PRDM6: variants seen among roughly 807,000 people sequenced by gnomAD.
PRDM6 encodes the protein PR/SET domain 6, also known as putative histone-lysine N-methyltransferase PRDM6.
In PRDM6, 25 loss-of-function variants were observed where a neutral mutation model predicts 60.8. The ratio of observed to expected loss-of-function variants is 0.41; its 90% CI spans 0.30 to 0.57. The LOEUF is 0.57. Among genes scored for constraint, PRDM6 ranks in the 20% least tolerant of loss-of-function variants. The pLI, the probability that PRDM6 is intolerant of heterozygous loss-of-function variation, is 0.27. For synonymous variants in PRDM6, 407 were observed against 357.4 expected (o/e 1.14, Z -1.57); for missense variants, 839 against 821.3 (o/e 1.02, Z -0.26).
At chr5:123,157,306 C>CAGCTGCAT (rs1396631785) in intron 4 of PRDM6, among the ~76,000 whole-genome samples, 3 of 152,154 alleles carry the variant, frequency 2.0e-5, no homozygotes, top group Non-Finnish European at 4.4e-5. Flanking sequence ...ACCTTTATTA[C>CAGCTGCAT]AGCTGCATTT....
intron 7 of PRDM6, among the ~76,000 whole-genome samples, chr5:123,185,094 G>A (rs1203738583): frequency 6.6e-6 from 1 of 152,120 alleles, no homozygotes. Context: ...TGAGAAAAAT[G>A]TGTTTTTCTC....
rs2150203267 is a variant in PRDM6 at position 123,090,296 on chromosome 5, C to CTCCGCCTCA, written c.285_286insGCCTCATCC (p.Ala93_Ser95dup). The CTCCGCCTCA allele has an allele frequency of 6.7e-7, 1 of 1,488,868 alleles. No individual in the cohort carries two copies. The highest frequency in any genetic ancestry group is 8.9e-7 in the Non-Finnish European group (1 of 1,121,208). 92.2% of individuals were successfully genotyped at this position (1,488,868 alleles called of 1,614,324 possible). ...CTTCCACCTCCGCCTCCTCCGCCTCCTCCTGCGCTGCTGCGGCCGCTGCCG... is the reference window on the plus strand; with the variant it reads ...CTTCCACCTCCGCCTCCTCCGCCTCCTCCGCCTCATCCTGCGCTGCTGCGGCCGCTGCCG... On this transcript the variant is annotated inframe_insertion, in exon 2 of 8. Coordinates refer to ENST00000407847, the MANE Select transcript of PRDM6 (RefSeq NM_001136239.4).
chr5:123,129,418 A>G (rs1438091864), intron 3 of PRDM6, among the ~76,000 whole-genome samples: 2 of 152,060 alleles, frequency 1.3e-5, no homozygotes, highest in African/African-American at 4.8e-5. Flanking sequence ...TCCATTTGTT[A>G]GCGTCCTCTT....
chr5:123,132,113 G>GT (rs2150223834), intron 3 of PRDM6, among the ~76,000 whole-genome samples: 1 of 152,202 alleles, frequency 6.6e-6, no homozygotes, highest in African/African-American at 2.4e-5. Flanking sequence ...CCCTTCTGAC[G>GT]TATGTGCCCT....
chr5:123,170,340 T>C (rs1193363631), intron 5 of PRDM6, among the ~76,000 whole-genome samples: 1 of 152,194 alleles, frequency 6.6e-6, no homozygotes, highest in East Asian at 1.9e-4. Context: ...AAGCCTGAAA[T>C]TCTCCATCAG....
chr5:123,134,940 C>T (rs1207959332), intron 3 of PRDM6, among the ~76,000 whole-genome samples: 1 of 149,646 alleles, frequency 6.7e-6, no homozygotes, highest in African/African-American at 2.5e-5. Flanking sequence ...CCTCCACAGG[C>T]AATAAGGACA....
chr5:123,145,290 T>C (rs115370706), intron 3 of PRDM6, among the ~76,000 whole-genome samples: 1,659 of 152,314 alleles, frequency 0.011, 29 homozygotes, highest in African/African-American at 0.038. Flanking sequence ...AGATGTCTTA[T>C]GATTTGTTTT....
rs1445602723 is a variant in PRDM6 at position 123,090,106 on chromosome 5, G to A, written c.92G>A (p.Gly31Asp). 4 of 1,544,630 alleles carry A rather than the reference G, an allele frequency of 2.6e-6. No homozygotes were observed. Among genetic ancestry groups the A allele is most frequent in the Admixed American group, 3.9e-5 (2 of 50,784 alleles). The change falls in exon 2 of 8, where the codon GGC becomes GAC. Residue 31 changes from glycine to aspartate, a missense_variant. By Grantham distance (94) the Gly-to-Asp change is moderately conservative. This residue lies in a region of PRDM6 where 730 missense variants were observed against 648.8 expected (regional missense o/e 1.13). Coordinates refer to ENST00000407847, the MANE Select transcript of PRDM6 (RefSeq NM_001136239.4). The part of the protein sequence containing the change: ...QHWQQLFPHG[G>D]AGPLKGSGAA... ...TGGCAGCAACTCTTCCCTCACGGAG[G>A]CGCAGGCCCGCTCAAGGGCAGCGGC...
At chr5:123,172,511 T>C (rs1765915358) in intron 6 of PRDM6, among the ~76,000 whole-genome samples, 1 of 152,218 alleles carries the variant, frequency 6.6e-6, no homozygotes, top group South Asian at 2.1e-4. Context: ...GTTTTCCTCA[T>C]TCAGAAAAGA....
intron 2 of PRDM6, among the ~76,000 whole-genome samples, chr5:123,098,247 C>T (rs1171858258): frequency 2.0e-5 from 3 of 152,230 alleles, no homozygotes; most frequent in Non-Finnish European, 4.4e-5. Context: ...CCCGCTCTGG[C>T]GCATCCATCA....
chr5:123,178,524 T>C (rs1329103050), intron 6 of PRDM6, among the ~76,000 whole-genome samples: 1 of 152,236 alleles, frequency 6.6e-6, no homozygotes, highest in African/African-American at 2.4e-5. Flanking sequence ...ATGATTATAA[T>C]AAAATGCATG....
At chr5:123,138,600 T>A (rs1207076643) in intron 3 of PRDM6, among the ~76,000 whole-genome samples, 3 of 152,244 alleles carry the variant, frequency 2.0e-5, no homozygotes, top group Non-Finnish European at 2.9e-5. Flanking sequence ...CTAGTAAAGT[T>A]TTTTGTCAAA....
intron 5 of PRDM6, among the ~76,000 whole-genome samples, chr5:123,164,831 T>A (rs538814438): frequency 6.6e-6 from 1 of 152,218 alleles, no homozygotes; most frequent in Admixed American, 6.5e-5. Flanking sequence ...GATGAGTTGT[T>A]TCCAGGAATT....
At chr5:123,178,801 C>G (rs901721490) in intron 6 of PRDM6, among the ~76,000 whole-genome samples, 3 of 152,162 alleles carry the variant, frequency 2.0e-5, no homozygotes, top group Non-Finnish European at 1.5e-5. Context: ...TGAGAGGGTA[C>G]ACTTTATTTT....
chr5:123,097,686 T>C (rs1286068761), intron 2 of PRDM6, among the ~76,000 whole-genome samples: 1 of 151,962 alleles, frequency 6.6e-6, no homozygotes, highest in Admixed American at 6.6e-5. Context: ...TTCAGAGGAG[T>C]TGACATATGG....
At chr5:123,155,437 C>T (rs1765470587) in intron 3 of PRDM6, among the ~76,000 whole-genome samples, 1 of 151,620 alleles carries the variant, frequency 6.6e-6, no homozygotes, top group African/African-American at 2.4e-5. Context: ...TGGGTGTCGC[C>T]CAGCCTGTTG....
At chr5:123,109,315 G>A (rs1176097700) in intron 3 of PRDM6, among the ~76,000 whole-genome samples, 1 of 152,048 alleles carries the variant, frequency 6.6e-6, no homozygotes, top group African/African-American at 2.4e-5. Context: ...TTCCCCACAT[G>A]TGAAGGAGAG....
At chr5:123,130,348 C>T (rs1170449217) in intron 3 of PRDM6, among the ~76,000 whole-genome samples, 1 of 123,272 alleles carries the variant, frequency 8.1e-6, no homozygotes, top group Non-Finnish European at 1.7e-5. Context: ...CTTTTTCTCT[C>T]CCTCCTTTTT....
intron 3 of PRDM6, among the ~76,000 whole-genome samples, chr5:123,150,163 C>T (rs1388379310): frequency 6.6e-6 from 1 of 152,020 alleles, no homozygotes; most frequent in African/African-American, 2.4e-5. Context: ...TATATCAGCT[C>T]TTTGAGGTAG....
Sources: gnomAD v4.1 joint callset for allele counts (sites outside exome capture counted in the v4.1 genomes callset) on GRCh38, gnomAD v4.1.1 for gene constraint, gnomAD v4.1.1 regional missense constraint, MANE v1.5 for transcripts, NCBI Gene and HGNC (gene_info 2026-07-23, HGNC 2026-07-21) for gene names.